Variants in NCKAP5 observed in about 807,000 individuals in gnomAD.
The protein encoded by NCKAP5 is NCK associated protein 5, also known as nck-associated protein 5.
A neutral mutation model predicts 167.0 loss-of-function variants in NCKAP5; 92 were observed. The observed-to-expected ratio is 0.55, with a 90% CI of 0.47 to 0.66. The LOEUF is 0.66. NCKAP5 is among the 30% of genes least tolerant of loss of function. NCKAP5 has a pLI of 0.00. For missense variants in NCKAP5, 2,378 were observed against 2,315.0 expected, an observed-to-expected ratio of 1.03 and a Z score of -0.56; for synonymous variants, 891 against 877.4, an observed-to-expected ratio of 1.02 and a Z score of -0.27.
chr2:133,644,351 A>G, the NCKAP5 span, among the ~76,000 whole-genome samples: 2 of 152,190 alleles, frequency 1.3e-5, no homozygotes, highest in Non-Finnish European at 2.9e-5. Context: ...CAAGTTCTCC[A>G]ACTTACTGAC....
At chr2:132,817,117 G>A (rs768706344) in intron 11 of NCKAP5, among the ~76,000 whole-genome samples, 1 of 152,144 alleles carries the variant, frequency 6.6e-6, no homozygotes, top group African/African-American at 2.4e-5. Flanking sequence ...TATGCCACAT[G>A]GCACCAAAGT....
chr2:132,788,603 T>G (rs1683792310), intron 13 of NCKAP5, among the ~76,000 whole-genome samples: 1 of 152,154 alleles, frequency 6.6e-6, no homozygotes, highest in Non-Finnish European at 1.5e-5. Context: ...TTACATGATC[T>G]AAGGCTTCTG....
At chr2:133,444,304 G>T (rs1026167640) in intron 3 of NCKAP5, among the ~76,000 whole-genome samples, 1 of 151,512 alleles carries the variant, frequency 6.6e-6, no homozygotes, top group Non-Finnish European at 1.5e-5. Context: ...CTAACATAGG[G>T]GGCCCAGAAA....
chr2:133,538,436 G>A (rs1366317084), intron 2 of NCKAP5, among the ~76,000 whole-genome samples: 2 of 151,958 alleles, frequency 1.3e-5, no homozygotes, highest in Non-Finnish European at 2.9e-5. Context: ...GCCAAGCCAT[G>A]GAAGAAATGG....
chr2:133,439,616 T>C (rs944452245), intron 3 of NCKAP5, among the ~76,000 whole-genome samples: 3 of 152,164 alleles, frequency 2.0e-5, no homozygotes, highest in Non-Finnish European at 2.9e-5. Context: ...CATATGAATA[T>C]ACATACATGG....
At chr2:133,505,326 T>C (rs1237115171) in intron 3 of NCKAP5, among the ~76,000 whole-genome samples, 1 of 152,148 alleles carries the variant, frequency 6.6e-6, no homozygotes. Context: ...TGGGTAAACA[T>C]TTCTGGCAGA....
chr2:133,123,393 T>C (rs2082309522), intron 6 of NCKAP5: 1 of 163,300 alleles, frequency 6.1e-6, no homozygotes, highest in South Asian at 1.7e-4. Flanking sequence ...CACCAAAATA[T>C]GATCCATATT....
At chr2:133,428,880 A>G (rs990171148) in intron 3 of NCKAP5, among the ~76,000 whole-genome samples, 1 of 152,198 alleles carries the variant, frequency 6.6e-6, no homozygotes, top group African/African-American at 2.4e-5. Context: ...TCTAAATGTT[A>G]TTAAAAGTGT....
At chr2:133,147,270 G>A (rs2083232626) in intron 5 of NCKAP5, among the ~76,000 whole-genome samples, 1 of 152,120 alleles carries the variant, frequency 6.6e-6, no homozygotes. Context: ...ACAGATGAAA[G>A]GCATTCTGAT....
chr2:133,082,786 T>C (rs1196747827), intron 6 of NCKAP5, among the ~76,000 whole-genome samples: 2 of 152,172 alleles, frequency 1.3e-5, no homozygotes, highest in Non-Finnish European at 2.9e-5. Context: ...TACTGTTTAA[T>C]TGTGTAATTA....
intron 2 of NCKAP5, among the ~76,000 whole-genome samples, chr2:133,538,659 A>G (rs1021349885): frequency 3.3e-5 from 5 of 152,160 alleles, no homozygotes; most frequent in African/African-American, 1.2e-4. Flanking sequence ...TCAAGTATAC[A>G]TCAGGCACCA....
the NCKAP5 span, among the ~76,000 whole-genome samples, chr2:133,600,470 G>T: frequency 6.6e-6 from 1 of 152,216 alleles, no homozygotes; most frequent in African/African-American, 2.4e-5. Flanking sequence ...CCAAAGCCCC[G>T]AACAATGAGC....
chr2:133,145,750 G>GT (rs1253268097), intron 5 of NCKAP5, among the ~76,000 whole-genome samples: 3 of 151,870 alleles, frequency 2.0e-5, no homozygotes, highest in African/African-American at 4.8e-5. Context: ...TAAACTAAAT[G>GT]TTTTTCACTC....
chr2:132,801,084 T>A (rs915192786), intron 11 of NCKAP5, among the ~76,000 whole-genome samples: 1 of 152,158 alleles, frequency 6.6e-6, no homozygotes, highest in African/African-American at 2.4e-5. Flanking sequence ...CAGGAATACC[T>A]CCCTCATATA....
chr2:133,607,756 A>G, the NCKAP5 span, among the ~76,000 whole-genome samples: 2 of 152,232 alleles, frequency 1.3e-5, no homozygotes, highest in Non-Finnish European at 2.9e-5. Flanking sequence ...GCACTTGCTT[A>G]GAAGGCCCAT....
At chr2:132,926,946 T>C (rs1336006463) in intron 8 of NCKAP5, among the ~76,000 whole-genome samples, 1 of 152,166 alleles carries the variant, frequency 6.6e-6, no homozygotes, top group Non-Finnish European at 1.5e-5. Flanking sequence ...ATTATTTGAG[T>C]AGACCAATGT....
chr2:132,878,644 A>G (rs1574495672), intron 9 of NCKAP5, among the ~76,000 whole-genome samples: 1 of 48,894 alleles, frequency 2.0e-5, no homozygotes. Flanking sequence ...ACACACACAC[A>G]CACACACACA....
At chr2:133,647,713 A>AAAGCAAGGAAGG in the NCKAP5 span, among the ~76,000 whole-genome samples, 1 of 85,712 alleles carries the variant, frequency 1.2e-5, no homozygotes, top group Non-Finnish European at 2.1e-5. Context: ...AAAGAAAAAG[A>AAAGCAAGGAAGG]AAGGAAGGAA....
chr2:133,043,522 A>T (rs958766443), intron 6 of NCKAP5, among the ~76,000 whole-genome samples: 1 of 151,986 alleles, frequency 6.6e-6, no homozygotes, highest in African/African-American at 2.4e-5. Flanking sequence ...CTGATGAGCT[A>T]AAAAAAATTG....
Sources: gnomAD v4.1 joint callset for allele counts (sites outside exome capture counted in the v4.1 genomes callset) on GRCh38, gnomAD v4.1.1 for gene constraint, MANE v1.5 for transcripts, NCBI Gene and HGNC (gene_info 2026-07-23, HGNC 2026-07-21) for gene names.